The following SLC14A2 variants were observed in gnomAD, a reference collection of about 807,000 sequenced individuals.
The protein encoded by SLC14A2 is solute carrier family 14 member 2.
SLC14A2 carries 91 observed loss-of-function variants against 104.6 expected under a neutral mutation model. The ratio of observed to expected loss-of-function variants is 0.87; its 90% CI spans 0.73 to 1.04. The LOEUF is 1.04. Among genes scored for constraint, SLC14A2 ranks in the 50% least tolerant of loss-of-function variants. The probability of loss-of-function intolerance (pLI) is 0.00; values close to 1 mark genes in which losing one functional copy is unlikely to be tolerated. For synonymous variants in SLC14A2, 476 were observed against 466.4 expected, an observed-to-expected ratio of 1.02 and a Z score of -0.27; for missense variants, 1,189 against 1,156.0, an observed-to-expected ratio of 1.03 and a Z score of -0.41.
the SLC14A2 span, among the ~76,000 whole-genome samples, chr18:45,206,776 C>G: frequency 6.6e-6 from 1 of 152,186 alleles, no homozygotes; most frequent in African/African-American, 2.4e-5. Flanking sequence ...GGGTTACATA[C>G]ACCAAGAGCT....
intron 10 of SLC14A2, among the ~76,000 whole-genome samples, chr18:45,654,933 T>C (rs1045313617): frequency 6.6e-6 from 1 of 152,200 alleles, no homozygotes; most frequent in Non-Finnish European, 1.5e-5. Flanking sequence ...GTTGGGCCTC[T>C]GGGATGTCAC....
At chr18:45,355,193 C>T (rs900396797) in intron 1 of SLC14A2, among the ~76,000 whole-genome samples, 4 of 152,100 alleles carry the variant, frequency 2.6e-5, no homozygotes, top group African/African-American at 9.7e-5. Flanking sequence ...ACAATGTATA[C>T]AGTGCACGGG....
At chr18:45,456,245 G>A (rs62090758) in intron 1 of SLC14A2, among the ~76,000 whole-genome samples, 50,534 of 152,056 alleles carry the variant, frequency 0.33, 10,152 homozygotes, top group Non-Finnish European at 0.44. Context: ...AGAGGAAGAG[G>A]AAGAGGAAGT....
intron 1 of SLC14A2, among the ~76,000 whole-genome samples, chr18:45,412,081 C>T (rs2086221619): frequency 6.6e-6 from 1 of 152,160 alleles, no homozygotes; most frequent in Admixed American, 6.6e-5. Context: ...AAAGCAGGAA[C>T]CAAGTATTTT....
the SLC14A2 span, among the ~76,000 whole-genome samples, chr18:45,183,333 G>A: frequency 1.3e-5 from 2 of 152,168 alleles, no homozygotes; most frequent in Non-Finnish European, 2.9e-5. Context: ...TGTGCTTGGA[G>A]ACCCTCAGCA....
chr18:45,459,973 C>T (rs1388646225), intron 1 of SLC14A2, among the ~76,000 whole-genome samples: 1 of 152,182 alleles, frequency 6.6e-6, no homozygotes, highest in Non-Finnish European at 1.5e-5. Flanking sequence ...CACCAGGTAC[C>T]TGGGGCTCTC....
At chr18:45,351,328 C>A (rs1244857246) in intron 1 of SLC14A2, among the ~76,000 whole-genome samples, 1 of 152,098 alleles carries the variant, frequency 6.6e-6, no homozygotes, top group African/African-American at 2.4e-5. Context: ...CATGCAAGCC[C>A]TTTTCTATTC....
intron 2 of SLC14A2, among the ~76,000 whole-genome samples, chr18:45,599,456 C>A (rs1381783690): frequency 6.6e-6 from 1 of 152,210 alleles, no homozygotes; most frequent in Non-Finnish European, 1.5e-5. Context: ...AAGTAGTTAC[C>A]TTTCTGTTAC....
chr18:45,518,383 A>G (rs1183885633), intron 2 of SLC14A2, among the ~76,000 whole-genome samples: 1 of 143,326 alleles, frequency 7.0e-6, no homozygotes, highest in African/African-American at 2.6e-5. Context: ...TAACTCCCCT[A>G]TGATAGCATT....
intron 3 of SLC14A2, 73 bp from the exon 4 acceptor site, chr18:45,626,885 G>T (rs962067975): frequency 2.1e-5 from 23 of 1,116,620 alleles, no homozygotes; most frequent in Non-Finnish European, 1.2e-6. Flanking sequence ...TGCCTTGGTT[G>T]CCATGCCAAC....
the SLC14A2 span, among the ~76,000 whole-genome samples, chr18:45,174,841 G>T: frequency 6.6e-6 from 1 of 152,100 alleles, no homozygotes; most frequent in Non-Finnish European, 1.5e-5. Context: ...AACAGAAAAG[G>T]AAATGCAAAA....
intron 1 of SLC14A2, among the ~76,000 whole-genome samples, chr18:45,287,874 A>T (rs551274182): frequency 6.6e-6 from 1 of 152,090 alleles, no homozygotes; most frequent in East Asian, 1.9e-4. Flanking sequence ...CAGGACCTAC[A>T]CTAGCACAGC....
intron 1 of SLC14A2, among the ~76,000 whole-genome samples, chr18:45,459,764 T>C (rs980181606): frequency 1.3e-5 from 2 of 152,204 alleles, no homozygotes; most frequent in South Asian, 2.1e-4. Flanking sequence ...TCATTTAAGT[T>C]TGTGGCTTCG....
chr18:45,310,490 A>G (rs557394877), intron 1 of SLC14A2, among the ~76,000 whole-genome samples: 1 of 152,372 alleles, frequency 6.6e-6, no homozygotes, highest in South Asian at 2.1e-4. Flanking sequence ...CACAGTTCAG[A>G]CAAGAATACA....
intron 1 of SLC14A2, among the ~76,000 whole-genome samples, chr18:45,624,362 T>C (rs1041756756): frequency 2.0e-5 from 3 of 152,126 alleles, no homozygotes; most frequent in Middle Eastern, 3.2e-3. Context: ...CACTCAGTGA[T>C]CAAGAGAAAA....
In SLC14A2 at chr18:45,682,695, A is replaced by G. The variant is rs1015514615; in HGVS notation, c.*176A>G. On this transcript the variant is annotated 3_prime_UTR_variant, in exon 20 of 20. Coordinates refer to ENST00000255226, the MANE Select transcript of SLC14A2 (RefSeq NM_007163.4). Reference sequence around the variant, plus strand: ...ACCTCTCTTTTCTAAGATGCACAACACTTATCAAAGATATGTTTAGTTTAG... The same window carrying G: ...ACCTCTCTTTTCTAAGATGCACAACGCTTATCAAAGATATGTTTAGTTTAG... 21 of 615,314 alleles carry G rather than the reference A, an allele frequency of 3.4e-5. No individual in the cohort carries two copies. The African/African-American group carries it at 3.5e-4, about 10-fold the overall frequency. 38.1% of individuals were successfully genotyped at this position (615,314 alleles called of 1,614,324 possible).
intron 18 of SLC14A2, among the ~76,000 whole-genome samples, chr18:45,676,589 C>T (rs183073938): frequency 6.6e-6 from 1 of 152,262 alleles, no homozygotes; most frequent in East Asian, 1.9e-4. Context: ...CTGTGTCATA[C>T]CTGAGGCTGG....
intron 1 of SLC14A2, among the ~76,000 whole-genome samples, chr18:45,331,874 T>C (rs903678526): frequency 3.9e-5 from 6 of 152,066 alleles, no homozygotes; most frequent in African/African-American, 1.2e-4. Context: ...AAAACAAATA[T>C]ATTTTACTTC....
chr18:45,439,177 G>A (rs1250268840), intron 1 of SLC14A2, among the ~76,000 whole-genome samples: 1 of 152,136 alleles, frequency 6.6e-6, no homozygotes, highest in Non-Finnish European at 1.5e-5. Context: ...TACTTGGGAG[G>A]CTGAGGAGGG....
Sources: allele counts gnomAD v4.1 joint callset (sites outside exome capture counted in the v4.1 genomes callset), GRCh38; gene constraint gnomAD v4.1.1; transcripts MANE v1.5; gene names NCBI Gene and HGNC (gene_info 2026-07-23, HGNC 2026-07-21).